ZNF407: variants seen among roughly 807,000 people sequenced by gnomAD.
ZNF407 encodes zinc finger protein 407.
A neutral mutation model predicts 131.2 loss-of-function variants in ZNF407; 17 were observed. The ratio of observed to expected loss-of-function variants is 0.13; its 90% confidence interval spans 0.09 to 0.19. The LOEUF is 0.19. Ranked by LOEUF, ZNF407 falls within the 10% of genes least tolerant of loss-of-function variation. ZNF407 has a pLI of 1.00. For missense variants in ZNF407, 2,681 were observed against 2,830.6 expected (o/e 0.95, Z 1.20); for synonymous variants, 1,156 against 1,062.0 (o/e 1.09, Z -1.72).
intron 4 of ZNF407, among the ~76,000 whole-genome samples, chr18:74,824,507 T>A (rs2145107485): frequency 6.6e-6 from 1 of 151,916 alleles, no homozygotes; most frequent in East Asian, 1.9e-4. Context: ...ATCAGATAGA[T>A]GCAATAAAAA....
Position 74,634,420 on chromosome 18 carries a change from C to T in ZNF407, c.3401C>T (p.Thr1134Ile), listed in dbSNP as rs1415032033. ...GATTGCTCTATTTTAAATGAGAATACTAATTTAGATATGTCTAAAGTGCTC... is the reference window on the plus strand; with the variant it reads ...GATTGCTCTATTTTAAATGAGAATATTAATTTAGATATGTCTAAAGTGCTC... ...AADCSILNENTNLDMSKVLCA... is the reference protein window; with the variant it reads ...AADCSILNENINLDMSKVLCA... The change falls in exon 2 of 9, where the codon ACT becomes ATT. Residue 1134 changes from threonine to isoleucine, a missense_variant. By Grantham distance (89) the Thr-to-Ile change is moderately conservative (BLOSUM62 -1). Around this residue, in one of 6 missense-constraint regions of ZNF407, gnomAD observed 1,789 missense variants for 1,748.7 expected, o/e 1.02. Coordinates refer to ENST00000299687, the MANE Select transcript of ZNF407 (RefSeq NM_017757.3). 3 of 1,613,518 alleles carry T rather than the reference C, an allele frequency of 1.9e-6. No homozygotes were observed. The highest frequency in any genetic ancestry group is 2.5e-6 in the Non-Finnish European group (3 of 1,179,822).
chr18:74,856,539 G>A (rs1293457952), intron 4 of ZNF407, among the ~76,000 whole-genome samples: 1 of 152,144 alleles, frequency 6.6e-6, no homozygotes, highest in Non-Finnish European at 1.5e-5. Flanking sequence ...ACCTGGGGAT[G>A]CAGCTGAGGG....
chr18:74,747,321 G>A (rs571888197), intron 3 of ZNF407, among the ~76,000 whole-genome samples: 3 of 152,160 alleles, frequency 2.0e-5, no homozygotes, highest in East Asian at 1.9e-4. Context: ...GGAATTACAT[G>A]GTATTCATAA....
chr18:74,925,634 C>T (rs1971903798), intron 8 of ZNF407, among the ~76,000 whole-genome samples: 1 of 152,204 alleles, frequency 6.6e-6, no homozygotes, highest in South Asian at 2.1e-4. Context: ...CTTTCACCCC[C>T]TTTTGTTAGT....
At chr18:74,683,263 C>G (rs191116176) in intron 3 of ZNF407, among the ~76,000 whole-genome samples, 2 of 152,058 alleles carry the variant, frequency 1.3e-5, no homozygotes, top group Non-Finnish European at 1.5e-5. Context: ...CAGAGACTTA[C>G]GCTTTTGATT....
intron 3 of ZNF407, among the ~76,000 whole-genome samples, chr18:74,761,590 C>G (rs1969097499): frequency 1.3e-5 from 2 of 152,016 alleles, no homozygotes; most frequent in South Asian, 4.1e-4. Flanking sequence ...GCAAGTTTGC[C>G]CCTTTTAATG....
intron 3 of ZNF407, among the ~76,000 whole-genome samples, chr18:74,745,062 C>T (rs1048571045): frequency 1.3e-5 from 2 of 152,022 alleles, no homozygotes; most frequent in African/African-American, 2.4e-5. Flanking sequence ...CAACACGTAT[C>T]GTAGTGCATT....
chr18:74,727,094 A>G lies in ZNF407; in HGVS notation c.4803-54334A>G, dbSNP rs183491515. 5.9e-5 allele frequency among the ~76,000 whole-genome samples: 9 copies of G among 152,328 alleles called. No homozygotes were observed. In the East Asian group the frequency reaches 1.7e-3, roughly 29 times the overall value. ...GTTGGGTTTCTATTATGTGCCAAGC[A>G]CTTAGCTGGGTACTAAGATAAGTAA... On this transcript the variant is annotated intron_variant, in intron 3 of 8. Coordinates refer to ENST00000299687, the MANE Select transcript of ZNF407 (RefSeq NM_017757.3).
chr18:74,882,847 C>T (rs1971256290), intron 6 of ZNF407, among the ~76,000 whole-genome samples: 1 of 152,162 alleles, frequency 6.6e-6, no homozygotes, highest in Non-Finnish European at 1.5e-5. Flanking sequence ...TAACAGTATG[C>T]TCATGAGGGC....
At chr18:74,788,614 G>GAAA (rs375763179) in intron 4 of ZNF407, among the ~76,000 whole-genome samples, 2 of 117,418 alleles carry the variant, frequency 1.7e-5, no homozygotes, top group African/African-American at 6.4e-5. Flanking sequence ...TGGTTATCTT[G>GAAA]AAAAAAAAAA....
chr18:74,641,109 T>C lies in ZNF407; in HGVS notation c.4789T>C (p.Cys1597Arg), dbSNP rs751396753. 1 of 1,612,776 alleles carries C rather than the reference T, an allele frequency of 6.2e-7. No individual in the cohort carries two copies. The highest frequency in any genetic ancestry group is 1.7e-5 in the Admixed American group (1 of 59,988). ...GCACCTTGGGATGAGGGAATACAAG[T>C]GTCATGTCTGTGGGTGAGTAAATTG... ...KRHLGMREYKCHVCGVAFVMK... is the reference protein window; with the variant it reads ...KRHLGMREYKRHVCGVAFVMK... The change falls in exon 3 of 9, where the codon TGT (cysteine) becomes CGT (arginine). Residue 1597 changes from cysteine (C) to arginine (R), a missense_variant. This residue lies in a region of ZNF407 where 213 missense variants were observed against 332.2 expected (regional missense o/e 0.64). Coordinates refer to ENST00000299687, the MANE Select transcript of ZNF407 (RefSeq NM_017757.3).
intron 3 of ZNF407, among the ~76,000 whole-genome samples, chr18:74,717,741 T>C (rs1210284752): frequency 6.6e-6 from 1 of 152,218 alleles, no homozygotes; most frequent in African/African-American, 2.4e-5. Context: ...CAGATGTGTT[T>C]TGGATTTTGG....
At chr18:74,601,321 GTGTA>G (rs1982569680) in intron 1 of ZNF407, among the ~76,000 whole-genome samples, 1 of 117,728 alleles carries the variant, frequency 8.5e-6, no homozygotes, top group Admixed American at 1.0e-4. Context: ...GTGTGTGTGT[GTGTA>G]TGTCTGTGTG....
chr18:74,788,829 A>G (rs1969771275), intron 4 of ZNF407, among the ~76,000 whole-genome samples: 1 of 149,578 alleles, frequency 6.7e-6, no homozygotes, highest in Non-Finnish European at 1.5e-5. Flanking sequence ...TCAATAAAAT[A>G]AATATTTTAT....
intron 4 of ZNF407, among the ~76,000 whole-genome samples, chr18:74,828,318 G>C (rs972226730): frequency 6.6e-6 from 1 of 152,154 alleles, no homozygotes; most frequent in Non-Finnish European, 1.5e-5. Flanking sequence ...CTTCAGTGGG[G>C]CCTCAACAAG....
chr18:74,666,146 A>ATAGG (rs1428156181), intron 3 of ZNF407, among the ~76,000 whole-genome samples: 6 of 152,156 alleles, frequency 3.9e-5, no homozygotes, highest in Non-Finnish European at 8.8e-5. Context: ...CCGCAGAAGC[A>ATAGG]TAGGTTGGAG....
Position 74,751,531 on chromosome 18 carries a change from C to G in ZNF407, c.4803-29897C>G, listed in dbSNP as rs147907352. On this transcript the variant is annotated intron_variant, in intron 3 of 8. Transcript: ENST00000299687. ...ATGCTATCCCTCTCCCCTCCCCCCA[C>G]CACACGACAGGCCCCCATGTGTGAT... is the stretch of plus-strand genomic sequence containing the variant. Among the ~76,000 whole-genome samples the G allele has an allele frequency of 6.8e-4, 103 of 152,066 alleles. No individual in the cohort carries two copies. In the East Asian group the frequency reaches 0.013, roughly 19 times the overall value.
intron 8 of ZNF407, among the ~76,000 whole-genome samples, chr18:75,022,540 T>G (rs1174275430): frequency 6.6e-6 from 1 of 152,194 alleles, no homozygotes; most frequent in Non-Finnish European, 1.5e-5. Context: ...CTCATAATAT[T>G]AGAGTGTACC....
At chr18:74,863,442 G>A (rs1218207114) in intron 4 of ZNF407, among the ~76,000 whole-genome samples, 2 of 151,964 alleles carry the variant, frequency 1.3e-5, no homozygotes, top group African/African-American at 4.8e-5. Flanking sequence ...GAGGACAAGT[G>A]TTTCTTCTGT....
Sources: allele counts gnomAD v4.1 joint callset (sites outside exome capture counted in the v4.1 genomes callset), GRCh38; gene constraint gnomAD v4.1.1; regional missense constraint gnomAD v4.1.1; transcripts MANE v1.5; gene names NCBI Gene and HGNC (gene_info 2026-07-23, HGNC 2026-07-21).